SPTLC1: variants seen among roughly 807,000 people sequenced by gnomAD.
SPTLC1 encodes the protein serine palmitoyltransferase long chain base subunit 1.
SPTLC1 carries 55 observed loss-of-function variants against 68.9 expected under a neutral mutation model. The observed-to-expected ratio is 0.80, with a 90% CI of 0.64 to 1.00. The LOEUF (loss-of-function observed/expected upper bound fraction) is 1.00, where lower values mean the gene tolerates loss of function less well. Among genes scored for constraint, SPTLC1 ranks in the 50% least tolerant of loss-of-function variants. The pLI is 0.00. For missense variants in SPTLC1, 449 were observed against 573.1 expected (o/e 0.78, Z 2.21); for synonymous variants, 197 against 201.6 (o/e 0.98, Z 0.19).
At chr9:92,084,019 C>A (rs1484200360) in intron 3 of SPTLC1, among the ~76,000 whole-genome samples, 1 of 152,056 alleles carries the variant, frequency 6.6e-6, no homozygotes, top group Non-Finnish European at 1.5e-5. Context: ...AATGGGAGTT[C>A]ACTCATGATT....
chr9:92,040,370 CAA>C (rs1486353768), intron 12 of SPTLC1, among the ~76,000 whole-genome samples: 1 of 150,876 alleles, frequency 6.6e-6, no homozygotes, highest in South Asian at 2.1e-4. Flanking sequence ...GACTCTGTCT[CAA>C]AACAAAAACA....
intron 8 of SPTLC1, 180 bp downstream of exon 8, chr9:92,055,225 T>C (rs555061404): frequency 2.0e-6 from 2 of 985,422 alleles, no homozygotes; most frequent in African/African-American, 3.5e-5. Flanking sequence ...TCTTGATTAC[T>C]CTTTGAAGGC....
chr9:92,098,098 GGA>G (rs1463525360), intron 3 of SPTLC1, among the ~76,000 whole-genome samples: 1 of 152,136 alleles, frequency 6.6e-6, no homozygotes, highest in Non-Finnish European at 1.5e-5. Flanking sequence ...CAGCATTCCC[GGA>G]TTCACCGGTT....
At position 92,080,879 on chromosome 9, in the gene SPTLC1, A is replaced by T. The variant is rs1203106189; in HGVS notation, c.345T>A (p.Pro115=). 1 of 1,612,282 alleles carries T rather than the reference A, an allele frequency of 6.2e-7. No homozygotes were observed. Among genetic ancestry groups the T allele is most frequent in the South Asian group, 1.1e-5 (1 of 91,050 alleles). Residue 115 remains proline, a synonymous_variant, in exon 4 of 15, where the codon CCT becomes CCA. Coordinates refer to ENST00000262554, the MANE Select transcript of SPTLC1 (RefSeq NM_006415.4). ...AATATGTGCTACTCACCTTAACCCT[A>T]GGGTTATCCAACAATCCAAGAAAAT... ...SFNFLGLLDN[P]RVKAAALASL...
chr9:92,049,525 G>C (rs978403510), intron 9 of SPTLC1, among the ~76,000 whole-genome samples: 2 of 152,076 alleles, frequency 1.3e-5, no homozygotes, highest in African/African-American at 2.4e-5. Flanking sequence ...ACGCGTAACT[G>C]TATCTACCTC....
At chr9:92,047,080 T>C in intron 11 of SPTLC1, 92 bp downstream of exon 11, 1 of 1,120,464 alleles carries the variant, frequency 8.9e-7, no homozygotes, top group South Asian at 1.2e-5. Context: ...ACCAGTTTTG[T>C]CTGGCAAATA....
chr9:92,114,748 C>G (rs138095758), intron 1 of SPTLC1, among the ~76,000 whole-genome samples: 1 of 142,240 alleles, frequency 7.0e-6, no homozygotes, highest in Non-Finnish European at 1.6e-5. Flanking sequence ...AAAAAAAAAA[C>G]AAAAATAAAT....
intron 11 of SPTLC1, 45 bp from the exon 12 acceptor site, chr9:92,046,098 T>C (rs1587913387): frequency 3.4e-6 from 5 of 1,485,686 alleles, no homozygotes; most frequent in Non-Finnish European, 4.7e-6. Flanking sequence ...AAACTTATGA[T>C]AGTACTAACC....
At chr9:92,050,589 A>G (rs566554590) in intron 8 of SPTLC1, 3 of 157,730 alleles carry the variant, frequency 1.9e-5, no homozygotes, top group Non-Finnish European at 4.2e-5. Context: ...TTAAACAAAA[A>G]TACACATAAA....
In SPTLC1 at chr9:92,034,528, G is replaced by C. The variant is rs183382008; in HGVS notation, c.1328+282C>G. ...CATGTGCCACCTTTCAGATGTGGCA[G>C]ATATGAGCTGATGGAAACTCAGTTT... On this transcript the variant is annotated intron_variant, in intron 14 of 14. Coordinates refer to ENST00000262554, the MANE Select transcript of SPTLC1 (RefSeq NM_006415.4). Among the ~76,000 whole-genome samples, 4 of 152,284 alleles carry C rather than the reference G, an allele frequency of 2.6e-5. No homozygotes were observed. In the East Asian group the frequency reaches 7.7e-4, roughly 29 times the overall value.
At chr9:92,077,552 T>A (rs1206476627) in intron 5 of SPTLC1, among the ~76,000 whole-genome samples, 2 of 151,978 alleles carry the variant, frequency 1.3e-5, no homozygotes, top group East Asian at 3.9e-4. Context: ...GCAAGTACTC[T>A]CCCCCACTTC....
chr9:92,109,244 G>C (rs1836132548), intron 2 of SPTLC1: 3 of 202,382 alleles, frequency 1.5e-5, no homozygotes. Context: ...TGTCCAAAAA[G>C]GCCTCCGATA....
rs1456421332 is a variant in SPTLC1, at chr9:92,104,324, C to T, written c.260+4416G>A. The stretch of plus-strand genomic sequence containing the variant: ...GGCCGGGCTCACCCCGCGGCTCCTG[C>T]ACCTGTGCCTGCCCCGGGAATCTGG... On this transcript the variant is annotated intron_variant, in intron 3 of 14. Transcript: ENST00000262554. 5.0e-6 allele frequency: 7 copies of T among 1,395,772 alleles called. No individual in the cohort carries two copies. In the African/African-American group the frequency reaches 8.7e-5, roughly 17 times the overall value. 86.5% of individuals were successfully genotyped at this position (1,395,772 alleles called of 1,614,324 possible).
At chr9:92,089,327 C>T (rs748418851) in intron 3 of SPTLC1, among the ~76,000 whole-genome samples, 1 of 152,248 alleles carries the variant, frequency 6.6e-6, no homozygotes, top group East Asian at 1.9e-4. Flanking sequence ...GCAGGAGAAT[C>T]GCTTGAACCC....
chr9:92,102,466 T>C (rs1331603340), intron 3 of SPTLC1, among the ~76,000 whole-genome samples: 1 of 152,194 alleles, frequency 6.6e-6, no homozygotes, highest in African/African-American at 2.4e-5. Context: ...ATATCTACAA[T>C]GAGTTATTAA....
intron 1 of SPTLC1, among the ~76,000 whole-genome samples, chr9:92,114,480 A>C (rs1400521295): frequency 1.3e-5 from 2 of 152,190 alleles, no homozygotes; most frequent in Non-Finnish European, 2.9e-5. Flanking sequence ...TCAAGCCTAT[A>C]ATCCCAGCAC....
intron 11 of SPTLC1, chr9:92,046,353 A>G (rs1478306014): frequency 5.9e-6 from 2 of 341,552 alleles, no homozygotes; most frequent in Non-Finnish European, 1.1e-5. Flanking sequence ...CAAAGGGTAC[A>G]AATTTATTGC....
intron 3 of SPTLC1, among the ~76,000 whole-genome samples, chr9:92,082,863 A>C (rs955920893): frequency 2.6e-5 from 4 of 151,734 alleles, no homozygotes; most frequent in African/African-American, 9.7e-5. Context: ...CCAACAGTGT[A>C]AAAGTGTTCC....
At chr9:92,082,193 AT>A (rs1372545149) in intron 3 of SPTLC1, among the ~76,000 whole-genome samples, 1 of 151,690 alleles carries the variant, frequency 6.6e-6, no homozygotes. Flanking sequence ...CTCTCCAAAT[AT>A]TTTCTTTCTT....
Sources: gnomAD v4.1 joint callset for allele counts (sites outside exome capture counted in the v4.1 genomes callset) on GRCh38, gnomAD v4.1.1 for gene constraint, MANE v1.5 for transcripts, NCBI Gene and HGNC (gene_info 2026-07-23, HGNC 2026-07-21) for gene names.